CUL3: variants seen among roughly 807,000 people sequenced by gnomAD.
The protein encoded by CUL3 is cullin-3.
Under a neutral mutation model 89.1 loss-of-function variants are expected in CUL3, and 19 were observed. The ratio of observed to expected loss-of-function variants is 0.21; its 90% confidence interval spans 0.15 to 0.31. The LOEUF (loss-of-function observed/expected upper bound fraction) is 0.31, where lower values mean the gene tolerates loss of function less well. Among genes scored for constraint, CUL3 ranks in the 10% least tolerant of loss-of-function variants. The pLI is 1.00. For synonymous variants in CUL3, 351 were observed against 308.4 expected (o/e 1.14, Z -1.45); for missense variants, 469 against 942.3 (o/e 0.50, Z 6.58).
At chr2:224,517,122 C>G (rs958187132) in intron 3 of CUL3, among the ~76,000 whole-genome samples, 1 of 152,102 alleles carries the variant, frequency 6.6e-6, no homozygotes, top group Non-Finnish European at 1.5e-5. Context: ...ATTGCTTAAA[C>G]TATTTTACAC....
intron 2 of CUL3, among the ~76,000 whole-genome samples, chr2:224,538,434 T>C (rs138435182): frequency 2.4e-4 from 36 of 152,314 alleles, no homozygotes; most frequent in Middle Eastern, 6.8e-3. Context: ...TTTTACAAAT[T>C]ATTAACATCT....
chr2:224,569,745 T>G lies in CUL3; in HGVS notation c.67-11889A>C. ...ACTACATCATGAGACAAATTAAAAC[T>G]AAATGAAAAGAAGTGAATTCTTAAC... On this transcript the variant is annotated intron_variant, in intron 1 of 15. Transcript: ENST00000264414. The G allele has an allele frequency of 8.2e-7, 1 of 1,217,118 alleles. No individual in the cohort carries two copies. Among genetic ancestry groups the G allele is most frequent in the Non-Finnish European group, 1.1e-6 (1 of 951,886 alleles). 75.4% of individuals were successfully genotyped at this position (1,217,118 alleles called of 1,614,324 possible).
In CUL3 at chr2:224,585,311, G is replaced by C. The variant is rs1392953080; in HGVS notation, c.-302C>G. On this transcript the variant is annotated 5_prime_UTR_variant, in exon 1 of 16. Transcript: ENST00000264414. ...CTTTATCGCGCTCCTCCGCGATGGC[G>C]GCGGCGGCGGCGACGGACAAACATC... is the stretch of plus-strand genomic sequence containing the variant. The C allele has an allele frequency of 2.5e-6, 1 of 401,774 alleles. No individual in the cohort carries two copies. 24.9% of individuals were successfully genotyped at this position (401,774 alleles called of 1,614,324 possible).
chr2:224,530,137 G>A (rs1693637602), intron 3 of CUL3, among the ~76,000 whole-genome samples: 1 of 152,184 alleles, frequency 6.6e-6, no homozygotes, highest in Non-Finnish European at 1.5e-5. Flanking sequence ...TACTCAGGAG[G>A]CTGAGGCAGG....
At chr2:224,508,393 GA>G (rs1251758410) in intron 6 of CUL3, among the ~76,000 whole-genome samples, 1 of 152,036 alleles carries the variant, frequency 6.6e-6, no homozygotes, top group African/African-American at 2.4e-5. Context: ...CCCATATTTA[GA>G]ACAGGTATTA....
chr2:224,514,284 C>A (rs1263944827), intron 4 of CUL3, among the ~76,000 whole-genome samples: 2 of 151,022 alleles, frequency 1.3e-5, no homozygotes, highest in Non-Finnish European at 1.5e-5. Flanking sequence ...CAGACAAAAG[C>A]CCTTAAAGAA....
rs557241409 is a variant in CUL3 at position 224,561,267 on chromosome 2, T to C, written c.67-3411A>G. ...TTCGGTGACTGATTTTCTGCTAATATATGACTAATGACCCCTTTGTAAATG... is the reference window on the plus strand; with the variant it reads ...TTCGGTGACTGATTTTCTGCTAATACATGACTAATGACCCCTTTGTAAATG... On this transcript the variant is annotated intron_variant, in intron 1 of 15. Coordinates refer to ENST00000264414, the MANE Select transcript of CUL3 (RefSeq NM_003590.5). Among the ~76,000 whole-genome samples, 3 of 152,312 alleles carry C rather than the reference T, an allele frequency of 2.0e-5. No individual in the cohort carries two copies. In the South Asian group the frequency reaches 6.2e-4, roughly 32 times the overall value.
chr2:224,521,226 T>C (rs532210735), intron 3 of CUL3, among the ~76,000 whole-genome samples: 27 of 152,174 alleles, frequency 1.8e-4, no homozygotes, highest in Non-Finnish European at 3.2e-4. Flanking sequence ...AACTTAAAAA[T>C]TGTTATTTTA....
intron 6 of CUL3, among the ~76,000 whole-genome samples, chr2:224,510,109 A>G (rs997430486): frequency 2.0e-5 from 3 of 152,050 alleles, no homozygotes; most frequent in Non-Finnish European, 4.4e-5. Context: ...CTATTTTCTC[A>G]CTATGACTGC....
chr2:224,546,915 T>C (rs572066032), intron 2 of CUL3, among the ~76,000 whole-genome samples: 1 of 152,168 alleles, frequency 6.6e-6, no homozygotes, highest in Non-Finnish European at 1.5e-5. Flanking sequence ...TCTCTGTCTC[T>C]TTTGGGATTA....
intron 5 of CUL3, among the ~76,000 whole-genome samples, chr2:224,512,910 G>GA (rs1692890412): frequency 6.6e-6 from 1 of 152,134 alleles, no homozygotes; most frequent in Non-Finnish European, 1.5e-5. Flanking sequence ...ACAGGTCCAT[G>GA]AAGTGGATTT....
chr2:224,541,706 T>C (rs748988189), intron 2 of CUL3, among the ~76,000 whole-genome samples: 18 of 152,168 alleles, frequency 1.2e-4, no homozygotes, highest in South Asian at 2.1e-4. Flanking sequence ...ATTCATACAA[T>C]AGAGTATCAG....
At chr2:224,475,239 G>A (rs936428337) in intron 15 of CUL3, among the ~76,000 whole-genome samples, 1 of 152,070 alleles carries the variant, frequency 6.6e-6, no homozygotes, top group African/African-American at 2.4e-5. Flanking sequence ...GGATGGTCTC[G>A]ATCTCCTGAC....
intron 1 of CUL3, among the ~76,000 whole-genome samples, chr2:224,577,830 T>C (rs1695337969): frequency 6.6e-6 from 1 of 152,198 alleles, no homozygotes; most frequent in South Asian, 2.1e-4. Flanking sequence ...TTATGCTGGG[T>C]AAGATACTGC....
intron 6 of CUL3, among the ~76,000 whole-genome samples, chr2:224,510,164 C>G (rs1692759448): frequency 6.6e-6 from 1 of 151,680 alleles, no homozygotes; most frequent in Non-Finnish European, 1.5e-5. Flanking sequence ...AGCTTGCCAA[C>G]CCCTGACTTG....
chr2:224,541,009 GA>G (rs1435169543), intron 2 of CUL3, among the ~76,000 whole-genome samples: 2 of 151,950 alleles, frequency 1.3e-5, no homozygotes, highest in African/African-American at 2.4e-5. Context: ...GTAATCCAAA[GA>G]AAAAGGTCAG....
At position 224,535,760 on chromosome 2, in the gene CUL3, T is replaced by C. The variant is rs576423893; in HGVS notation, c.265-119A>G. 11 of 684,330 alleles carry C rather than the reference T, an allele frequency of 1.6e-5. No individual in the cohort carries two copies. In the East Asian group the frequency reaches 3.0e-4, roughly 19 times the overall value. 42.4% of individuals were successfully genotyped at this position (684,330 alleles called of 1,614,324 possible). A position where few individuals can be genotyped will look rare whatever the true frequency, so the allele number is the denominator to read the frequency against. Reference sequence around the variant, plus strand: ...GAATCTTTAATTTAAATCAAAGAAATGTTATAGGCTAGTAGAAATATTTTA... The same window carrying C: ...GAATCTTTAATTTAAATCAAAGAAACGTTATAGGCTAGTAGAAATATTTTA... On this transcript the variant is annotated intron_variant, in intron 2 of 15. Coordinates refer to ENST00000264414, the MANE Select transcript of CUL3 (RefSeq NM_003590.5).
At chr2:224,583,593 A>T (rs561219936) in intron 1 of CUL3, among the ~76,000 whole-genome samples, 1 of 152,212 alleles carries the variant, frequency 6.6e-6, no homozygotes, top group Admixed American at 6.5e-5. Context: ...AAAATCTTTA[A>T]TTATTATCAA....
chr2:224,482,178 C>A, intron 13 of CUL3, 100 bp from the exon 14 acceptor site: 1 of 799,924 alleles, frequency 1.3e-6, no homozygotes, highest in Non-Finnish European at 1.9e-6. Flanking sequence ...AGAGGTAATT[C>A]CATTAAATAA....
Sources: gnomAD v4.1 joint callset for allele counts (sites outside exome capture counted in the v4.1 genomes callset) on GRCh38, gnomAD v4.1.1 for gene constraint, MANE v1.5 for transcripts, NCBI Gene and HGNC (gene_info 2026-07-23, HGNC 2026-07-21) for gene names.